Variants in AUTS2 observed in about 807,000 individuals in gnomAD.
AUTS2 encodes the protein activator of transcription and developmental regulator AUTS2, also known as autism susceptibility gene 2 protein.
AUTS2 carries 17 observed loss-of-function variants against 112.4 expected under a neutral mutation model. That is an observed-to-expected ratio of 0.15 (90% CI 0.10 to 0.23). The LOEUF (loss-of-function observed/expected upper bound fraction) is 0.23, where lower values mean the gene tolerates loss of function less well. Ranked by LOEUF, AUTS2 falls within the 10% of genes least tolerant of loss-of-function variation. The pLI, the probability that AUTS2 is intolerant of heterozygous loss-of-function variation, is 1.00. For synonymous variants in AUTS2, 751 were observed against 702.7 expected (o/e 1.07, Z -1.09); for missense variants, 1,510 against 1,701.6 (o/e 0.89, Z 1.98).
intron 2 of AUTS2, among the ~76,000 whole-genome samples, chr7:70,057,212 A>C (rs1040859777): frequency 1.3e-5 from 2 of 152,060 alleles, no homozygotes; most frequent in African/African-American, 4.8e-5. Context: ...GCTTGAACTG[A>C]AGCTTAATCT....
intron 4 of AUTS2, among the ~76,000 whole-genome samples, chr7:70,233,852 G>A (rs1204392730): frequency 6.6e-6 from 1 of 152,200 alleles, no homozygotes; most frequent in Non-Finnish European, 1.5e-5. Flanking sequence ...TGAAATAAGT[G>A]GCGTTACAGC....
At chr7:70,758,163 C>T (rs1048874616) in intron 6 of AUTS2, among the ~76,000 whole-genome samples, 9 of 152,132 alleles carry the variant, frequency 5.9e-5, no homozygotes, top group Non-Finnish European at 1.0e-4. Flanking sequence ...AAATGCTCTA[C>T]GTTGTACATT....
chr7:70,698,800 A>G, intron 6 of AUTS2, 180 bp downstream of exon 6: 2 of 486,660 alleles, frequency 4.1e-6, no homozygotes, highest in East Asian at 6.4e-5. Context: ...AACATTAACA[A>G]CCAGTTTATT....
chr7:69,895,550 C>CCA (rs1554400664), intron 1 of AUTS2, among the ~76,000 whole-genome samples: 1 of 147,002 alleles, frequency 6.8e-6, no homozygotes, highest in Non-Finnish European at 1.5e-5. Flanking sequence ...TCTTCCCCCC[C>CCA]CCCGAGTGGA....
In AUTS2 at chr7:70,790,719, A is replaced by T. The variant is rs1428231776; in HGVS notation, c.3503A>T (p.His1168Leu). The change falls in exon 19 of 19, where the codon CAC becomes CTC. Residue 1168 changes from histidine to leucine, a missense_variant. His to Leu is a moderately conservative substitution (Grantham distance 99, BLOSUM62 -3). Transcript: ENST00000342771. This position sits in a 1 kb window ranked among gnomAD's most constrained non-coding sequence, Gnocchi z 7.6. ...LREDYEHTRL[H>L]SVHPASLDGH... is the part of the protein sequence containing the mutation. ...GAAGACTACGAGCACACGCGGCTCCACTCCGTGCACCCCGCCTCCCTCGAC... is the reference window on the plus strand; with the variant it reads ...GAAGACTACGAGCACACGCGGCTCCTCTCCGTGCACCCCGCCTCCCTCGAC... 6.2e-7 allele frequency: 1 copy of T among 1,613,034 alleles called. No individual in the cohort carries two copies. Among genetic ancestry groups the T allele is most frequent in the Admixed American group, 1.7e-5 (1 of 59,970 alleles).
At position 69,818,518 on chromosome 7, in the gene AUTS2, C is replaced by T. The variant is rs141243673; in HGVS notation, c.310-80768C>T. 1.8e-3 allele frequency among the ~76,000 whole-genome samples: 280 copies of T among 152,250 alleles called. 3 individuals are homozygous for T. Among genetic ancestry groups the T allele is most frequent in the African/African-American group, 6.6e-3 (273 of 41,540 alleles). On this transcript the variant is annotated intron_variant, in intron 1 of 18. Coordinates refer to ENST00000342771, the MANE Select transcript of AUTS2 (RefSeq NM_015570.4). ...GGTTTATTAAATGTGCTTTATATCA[C>T]TATTAATATTGAGGAGCAAAGAGGA...
chr7:69,813,184 A>G (rs533649824), intron 1 of AUTS2, among the ~76,000 whole-genome samples: 24 of 151,926 alleles, frequency 1.6e-4, no homozygotes, highest in African/African-American at 5.3e-4. Context: ...GCATTTCCCA[A>G]CTCAGAGTCT....
At chr7:70,100,102 ACT>A (rs1804406345) in intron 2 of AUTS2, among the ~76,000 whole-genome samples, 1 of 152,048 alleles carries the variant, frequency 6.6e-6, no homozygotes, top group South Asian at 2.1e-4. Flanking sequence ...TCAGTAAGTA[ACT>A]CTTGTTGTGG....
At chr7:70,642,942 T>C (rs527492933) in intron 5 of AUTS2, among the ~76,000 whole-genome samples, 1 of 152,360 alleles carries the variant, frequency 6.6e-6, no homozygotes, top group South Asian at 2.1e-4. Context: ...ACTTGCCAGG[T>C]GAAGGAGTCC....
At chr7:69,916,098 T>C (rs1795569670) in intron 2 of AUTS2, among the ~76,000 whole-genome samples, 1 of 152,088 alleles carries the variant, frequency 6.6e-6, no homozygotes, top group African/African-American at 2.4e-5. Flanking sequence ...ATCTCAGGAG[T>C]AGATTATAGA....
chr7:70,235,340 A>G (rs1038119362), intron 4 of AUTS2, among the ~76,000 whole-genome samples: 7 of 151,712 alleles, frequency 4.6e-5, no homozygotes, highest in Non-Finnish European at 7.4e-5. Flanking sequence ...ATCTGACTAT[A>G]TTGCCCAGGC....
Position 70,792,035 on chromosome 7 carries a change from A to G in AUTS2, c.*1039A>G, listed in dbSNP as rs1791998859. On this transcript the variant is annotated 3_prime_UTR_variant, in exon 19 of 19. Coordinates refer to ENST00000342771, the MANE Select transcript of AUTS2 (RefSeq NM_015570.4). ...GTACACACTTCCTCGTTTTGTAATG[A>G]GATTTACTTACACCCAAACAGATCC... 1 of 152,612 alleles carries G rather than the reference A, an allele frequency of 6.6e-6. No individual in the cohort carries two copies. 9.5% of individuals were successfully genotyped at this position (152,612 alleles called of 1,614,324 possible). A position where few individuals can be genotyped will look rare whatever the true frequency, so the allele number is the denominator to read the frequency against.
chr7:69,845,039 G>A (rs1365038709), intron 1 of AUTS2, among the ~76,000 whole-genome samples: 5 of 152,170 alleles, frequency 3.3e-5, no homozygotes, highest in Admixed American at 1.3e-4. Context: ...GATGGGAATA[G>A]GAGGCCCAGG....
At chr7:70,276,199 G>A (rs1457361086) in intron 4 of AUTS2, among the ~76,000 whole-genome samples, 1 of 152,170 alleles carries the variant, frequency 6.6e-6, no homozygotes, top group Non-Finnish European at 1.5e-5. Flanking sequence ...ATCAAAGAAA[G>A]AGTGTACATG....
chr7:70,665,892 C>T (rs1198170764), intron 5 of AUTS2, among the ~76,000 whole-genome samples: 1 of 152,180 alleles, frequency 6.6e-6, no homozygotes, highest in Non-Finnish European at 1.5e-5. Flanking sequence ...CAAGGGACAA[C>T]TGTAATGTGA....
At chr7:70,472,370 T>G (rs978574108) in intron 5 of AUTS2, among the ~76,000 whole-genome samples, 2 of 49,444 alleles carry the variant, frequency 4.0e-5, no homozygotes, top group Non-Finnish European at 8.6e-5. Context: ...TGGGGTGGGG[T>G]TTTTTTTTTT....
At chr7:70,684,373 G>C (rs1459681688) in intron 5 of AUTS2, among the ~76,000 whole-genome samples, 1 of 152,122 alleles carries the variant, frequency 6.6e-6, no homozygotes, top group Non-Finnish European at 1.5e-5. Context: ...ATAGTCACGT[G>C]ACTTATAGAC....
intron 5 of AUTS2, among the ~76,000 whole-genome samples, chr7:70,493,676 G>A (rs1169878755): frequency 6.6e-6 from 1 of 151,872 alleles, no homozygotes; most frequent in Non-Finnish European, 1.5e-5. Flanking sequence ...GTATCAGCCT[G>A]GATGTGAATT....
At chr7:69,852,810 TCCCCTAAA>T (rs1792549572) in intron 1 of AUTS2, among the ~76,000 whole-genome samples, 2 of 152,172 alleles carry the variant, frequency 1.3e-5, no homozygotes, top group South Asian at 4.2e-4. Flanking sequence ...ACTGCTTGTG[TCCCCTAAA>T]CTTGGTATGT....
Sources: allele counts gnomAD v4.1 joint callset (sites outside exome capture counted in the v4.1 genomes callset), GRCh38; gene constraint gnomAD v4.1.1; non-coding constraint Gnocchi (gnomAD v3.1); transcripts MANE v1.5; gene names NCBI Gene and HGNC (gene_info 2026-07-23, HGNC 2026-07-21).